The following FBN1 variants were observed in gnomAD, a reference collection of about 807,000 sequenced individuals.
The protein encoded by FBN1 is fibrillin-1.
In FBN1, 29 loss-of-function variants were observed where a neutral mutation model predicts 365.1. That is an observed-to-expected ratio of 0.08 (90% confidence interval 0.06 to 0.11). The LOEUF is 0.11. Ranked by LOEUF, FBN1 falls within the 10% of genes least tolerant of loss-of-function variation. The probability of loss-of-function intolerance (pLI) is 1.00; values close to 1 mark genes in which losing one functional copy is unlikely to be tolerated. For missense variants in FBN1, 2,476 were observed against 3,703.2 expected (o/e 0.67, Z 8.60); for synonymous variants, 1,210 against 1,270.5 (o/e 0.95, Z 1.01).
intron 19 of FBN1, 32 bp from the exon 20 acceptor site, chr15:48,496,257 A>G (rs779156459): frequency 9.3e-6 from 15 of 1,612,760 alleles, no homozygotes; most frequent in Non-Finnish European, 1.2e-5. Flanking sequence ...ACACTTAAAA[A>G]GGGCCCAAAC....
chr15:48,461,490 TA>T (rs2043279967), intron 42 of FBN1, among the ~76,000 whole-genome samples: 3 of 152,328 alleles, frequency 2.0e-5, no homozygotes, highest in Admixed American at 1.3e-4. Flanking sequence ...GTGTACACTT[TA>T]TATTAGAACA....
chr15:48,472,445 A>T, intron 35 of FBN1, 106 bp downstream of exon 35: 761 of 1,366,128 alleles, frequency 5.6e-4, no homozygotes, highest in Non-Finnish European at 7.3e-4. Flanking sequence ...TGAAGCTAAA[A>T]CACACCTCAG....
chr15:48,490,438 A>G (rs1394932998), intron 24 of FBN1, among the ~76,000 whole-genome samples: 1 of 152,168 alleles, frequency 6.6e-6, no homozygotes, highest in East Asian at 1.9e-4. Flanking sequence ...ATGTCTTGGC[A>G]TGTCCTCCAC....
intron 19 of FBN1, 133 bp downstream of exon 19, chr15:48,497,133 T>C (rs1393818740): frequency 5.1e-6 from 5 of 979,210 alleles, no homozygotes; most frequent in Admixed American, 3.4e-5. Context: ...ATGTATATGC[T>C]GTGCTAACAT....
At chr15:48,475,441 A>G (rs528601969) in intron 32 of FBN1, among the ~76,000 whole-genome samples, 3 of 152,290 alleles carry the variant, frequency 2.0e-5, no homozygotes, top group African/African-American at 2.4e-5. Flanking sequence ...GCCAAGATAG[A>G]CTCTCTAACA....
chr15:48,533,718 ATAT>A (rs1023897114), intron 8 of FBN1, among the ~76,000 whole-genome samples: 1 of 152,208 alleles, frequency 6.6e-6, no homozygotes, highest in African/African-American at 2.4e-5. Flanking sequence ...TTCGGAAGAT[ATAT>A]TATTCTGAAT....
At chr15:48,511,340 T>G (rs2043757256) in intron 13 of FBN1, among the ~76,000 whole-genome samples, 1 of 152,084 alleles carries the variant, frequency 6.6e-6, no homozygotes, top group African/African-American at 2.4e-5. Flanking sequence ...TTTTTCTCTC[T>G]CGTTTATTTC....
chr15:48,429,715 A>G (rs1201742316), intron 56 of FBN1, among the ~76,000 whole-genome samples: 1 of 152,238 alleles, frequency 6.6e-6, no homozygotes, highest in Non-Finnish European at 1.5e-5. Flanking sequence ...GTGTGTGACA[A>G]TTAATCTACA....
intron 18 of FBN1, among the ~76,000 whole-genome samples, chr15:48,498,035 C>T (rs1365406127): frequency 2.0e-5 from 3 of 151,960 alleles, no homozygotes; most frequent in East Asian, 1.9e-4. Flanking sequence ...CGTTGCTCTG[C>T]CCACCTGAGG....
intron 13 of FBN1, among the ~76,000 whole-genome samples, chr15:48,510,610 A>G (rs909326278): frequency 6.6e-6 from 1 of 152,204 alleles, no homozygotes; most frequent in African/African-American, 2.4e-5. Context: ...ATTCTGCCTG[A>G]AAACCGTCAA....
At chr15:48,638,310 A>T (rs1004072215) in intron 2 of FBN1, among the ~76,000 whole-genome samples, 1 of 152,230 alleles carries the variant, frequency 6.6e-6, no homozygotes, top group East Asian at 1.9e-4. Flanking sequence ...CTTTCCACAT[A>T]GCAATGGTGG....
At position 48,644,862 on chromosome 15, in the gene FBN1, G is replaced by C. The variant is rs1175409608; in HGVS notation, c.-93C>G. 3.2e-6 allele frequency: 4 copies of C among 1,245,876 alleles called. No individual in the cohort carries two copies. The highest frequency in any genetic ancestry group is 3.2e-5 in the African/African-American group (2 of 62,730). The allele number at this position is 1,245,876 out of a possible 1,614,324, so 77.2% of individuals were successfully genotyped here. A position where few individuals can be genotyped will look rare whatever the true frequency, so the allele number is the denominator to read the frequency against. Reference sequence around the variant, plus strand: ...GCGCCCTGAAGCGCACCGCGCCGCCGGGGTCCCGCTATCCCGCCGCCCGTC... The same window carrying C: ...GCGCCCTGAAGCGCACCGCGCCGCCCGGGTCCCGCTATCCCGCCGCCCGTC... On this transcript the variant is annotated 5_prime_UTR_variant, in exon 2 of 66. Transcript: ENST00000316623.
intron 49 of FBN1, 37 bp downstream of exon 49, chr15:48,444,504 G>T: frequency 1.2e-6 from 2 of 1,611,876 alleles, no homozygotes; most frequent in Non-Finnish European, 1.7e-6. Context: ...GTGGACACCC[G>T]ACACTCCTCA....
intron 45 of FBN1, 116 bp from the exon 46 acceptor site, chr15:48,449,009 G>C (rs967844648): frequency 1.3e-5 from 11 of 844,132 alleles, no homozygotes; most frequent in Non-Finnish European, 1.6e-5. Context: ...TAGTGAAACA[G>C]ATATATTTAT....
At chr15:48,549,029 C>A (rs1169326599) in intron 6 of FBN1, among the ~76,000 whole-genome samples, 1 of 152,228 alleles carries the variant, frequency 6.6e-6, no homozygotes, top group East Asian at 1.9e-4. Context: ...ACAACTCCTG[C>A]ACAAAGCAAG....
chr15:48,541,108 T>TAA (rs913110819), intron 6 of FBN1, among the ~76,000 whole-genome samples: 2 of 144,476 alleles, frequency 1.4e-5, no homozygotes, highest in Non-Finnish European at 1.5e-5. Flanking sequence ...AGATCTTCAT[T>TAA]AAAAAAAAAA....
At chr15:48,546,884 C>T (rs931093220) in intron 6 of FBN1, among the ~76,000 whole-genome samples, 3 of 152,122 alleles carry the variant, frequency 2.0e-5, no homozygotes, top group East Asian at 1.9e-4. Flanking sequence ...GGAAGGCTCC[C>T]GGGCTTCTGG....
intron 6 of FBN1, among the ~76,000 whole-genome samples, chr15:48,543,193 T>C (rs2044071298): frequency 6.6e-6 from 1 of 152,206 alleles, no homozygotes; most frequent in Non-Finnish European, 1.5e-5. Flanking sequence ...TAATAGTTAG[T>C]AGAATTCCCA....
chr15:48,610,703 A>G, intron 4 of FBN1, 25 bp downstream of exon 4: 2 of 1,526,914 alleles, frequency 1.3e-6, no homozygotes, highest in Non-Finnish European at 1.8e-6. Context: ...AAATAATATT[A>G]TATATAATGA....
Sources: gnomAD v4.1 joint callset for allele counts (sites outside exome capture counted in the v4.1 genomes callset) on GRCh38, gnomAD v4.1.1 for gene constraint, MANE v1.5 for transcripts, NCBI Gene and HGNC (gene_info 2026-07-23, HGNC 2026-07-21) for gene names.